WAS: variants seen among roughly 807,000 people sequenced by gnomAD.
WAS encodes the protein WASP actin nucleation promoting factor.
Under a neutral mutation model 38.9 loss-of-function variants are expected in WAS, and 1 was observed. The ratio of observed to expected loss-of-function variants is 0.03; its 90% CI spans 0.01 to 0.12. The LOEUF (loss-of-function observed/expected upper bound fraction) is 0.12, where lower values mean the gene tolerates loss of function less well. Among genes scored for constraint, WAS ranks in the 10% least tolerant of loss-of-function variants. The probability of loss-of-function intolerance (pLI) is 1.00; values close to 1 mark genes in which losing one functional copy is unlikely to be tolerated. For synonymous variants in WAS, 182 were observed against 173.6 expected, an observed-to-expected ratio of 1.05 and a Z score of -0.38; for missense variants, 311 against 431.2, an observed-to-expected ratio of 0.72 and a Z score of 2.47.
upstream of WAS, among the ~76,000 whole-genome samples, chrX:48,680,000 C>A (rs1225292557): frequency 1.8e-5 from 2 of 111,749 alleles, no homozygotes; most frequent in Admixed American, 1.9e-4. Context: ...AGGGATGATA[C>A]TGAGGAGACC....
At position 48,685,745 on chromosome X, in the gene WAS, G is replaced by A. The variant is rs1557006531; in HGVS notation, c.372G>A (p.Ala124=). The change falls in exon 4 of 12, where the codon GCG becomes GCA. Residue 124 remains alanine (A), a synonymous_variant. Transcript: ENST00000376701. ...FHTFAGDDCQ[A]GLNFADEDEA... ...CAAGGTATGTGCAGGACTGCCAAGCGGGGCTGAACTTTGCAGACGAGGACG... is the reference window on the plus strand; with the variant it reads ...CAAGGTATGTGCAGGACTGCCAAGCAGGGCTGAACTTTGCAGACGAGGACG... 5.1e-6 allele frequency: 6 copies of A among 1,179,084 alleles called. No homozygotes were observed. The highest frequency in any genetic ancestry group is 2.5e-5 in the Admixed American group (1 of 40,772).
intron 11 of WAS, among the ~76,000 whole-genome samples, chrX:48,690,396 G>A (rs1557007602): frequency 9.0e-6 from 1 of 111,620 alleles, no homozygotes; most frequent in African/African-American, 3.3e-5. Context: ...GATCTGCCCC[G>A]CCTCAGCCTC....
chrX:48,683,055 A>T (rs1459100133), upstream of WAS, among the ~76,000 whole-genome samples: 3 of 110,733 alleles, frequency 2.7e-5, no homozygotes, highest in Non-Finnish European at 5.7e-5. Context: ...CTCTGTAATT[A>T]AAAGGAAAAG....
At position 48,688,050 on chromosome X, in the gene WAS, C is replaced by T; in HGVS notation, c.735-4C>T. On this transcript the variant is annotated splice_region_variant and splice_polypyrimidine_tract_variant and intron_variant, in intron 7 of 11. Transcript: ENST00000376701. ...ATTCACTGGAGTCTCTTCACCTCTC[C>T]CAGGCATGTCAGCCACGTGGGGTGG... The T allele has an allele frequency of 8.3e-7, 1 of 1,206,486 alleles. No individual in the cohort carries two copies. Among genetic ancestry groups the T allele is most frequent in the Non-Finnish European group, 1.1e-6 (1 of 892,777 alleles).
At chrX:48,687,353 G>A (rs1420005711) in intron 7 of WAS, among the ~76,000 whole-genome samples, 2 of 111,604 alleles carry the variant, frequency 1.8e-5, no homozygotes, top group Non-Finnish European at 3.8e-5. Context: ...GGGCTGGTGG[G>A]TAGGTGGGTG....
upstream of WAS, among the ~76,000 whole-genome samples, chrX:48,682,714 G>A (rs2062404874): frequency 9.1e-6 from 1 of 110,165 alleles, no homozygotes; most frequent in East Asian, 2.9e-4. Context: ...CCAACATGGT[G>A]AAACCCTGTC....
In WAS at chrX:48,685,554, G is replaced by A. The variant is rs782656368; in HGVS notation, c.281G>A (p.Arg94Gln). Residue 94 changes from arginine (R) to glutamine (Q), a missense_variant, in exon 3 of 12, where the codon CGG becomes CAG. Around this residue, in one of 4 missense-constraint regions of WAS, gnomAD observed 64 missense variants for 122.5 expected, o/e 0.52. Transcript: ENST00000376701. Reference sequence around the variant, plus strand: ...CACCCTACACCTCTCCAGGCTGGTCGGCTGCTCTGGGAACAGGAGCTGTAC... The same window carrying A: ...CACCCTACACCTCTCCAGGCTGGTCAGCTGCTCTGGGAACAGGAGCTGTAC... Reference protein sequence around the residue: ...FIRLYGLQAGRLLWEQELYSQ... With the variant: ...FIRLYGLQAGQLLWEQELYSQ... 10 of 1,194,851 alleles carry A rather than the reference G, an allele frequency of 8.4e-6. No individual in the cohort carries two copies. The highest frequency in any genetic ancestry group is 1.8e-5 in the African/African-American group (1 of 56,411).
chrX:48,688,248 C>A, intron 8 of WAS, 52 bp from the exon 9 acceptor site: 8 of 1,173,300 alleles, frequency 6.8e-6, no homozygotes, highest in Non-Finnish European at 9.1e-6. Flanking sequence ...TGTCGCTTGT[C>A]TCCTCGCCTT....
chrX:48,687,541 C>T (rs1051875460), intron 7 of WAS, among the ~76,000 whole-genome samples: 8 of 110,455 alleles, frequency 7.2e-5, no homozygotes, highest in Non-Finnish European at 1.1e-4. Context: ...GATTGGCTCA[C>T]AGACAAGGTG....
At chrX:48,683,677 A>G (rs150252581), upstream of WAS, 979 of 637,986 alleles carry the variant, frequency 1.5e-3, 5 homozygotes, top group African/African-American at 0.02. Context: ...CTGATGGCGG[A>G]GGGCCCAAGC....
chrX:48,686,360 A>G (rs1353563675), intron 6 of WAS, among the ~76,000 whole-genome samples: 1 of 111,777 alleles, frequency 8.9e-6, no homozygotes, highest in African/African-American at 3.3e-5. Flanking sequence ...CTAAGTAGAT[A>G]GATGCATAGG....
rs910584584 is a variant in WAS, at chrX:48,685,479, G to A, written c.274-68G>A. ...ATCCAGACACCCTGCTCCCTGCCCAGCTAACAAAAGCCTGCCACCCCCGGC... is the reference window on the plus strand; with the variant it reads ...ATCCAGACACCCTGCTCCCTGCCCAACTAACAAAAGCCTGCCACCCCCGGC... On this transcript the variant is annotated intron_variant, in intron 2 of 11. Coordinates refer to ENST00000376701, the MANE Select transcript of WAS (RefSeq NM_000377.3). 7.0e-6 allele frequency: 6 copies of A among 852,985 alleles called. No homozygotes were observed. In the African/African-American group the frequency reaches 1.2e-4, roughly 17 times the overall value. 70.3% of individuals were successfully genotyped at this position (852,985 alleles called of 1,213,427 possible).
At chrX:48,684,011 C>T (rs1239667157) in intron 1 of WAS, 26 bp downstream of exon 1, 2 of 1,206,607 alleles carry the variant, frequency 1.7e-6, no homozygotes, top group Non-Finnish European at 2.2e-6. Context: ...CCTGCCCCCG[C>T]CCCGTCCCCA....
rs1557007014 is a variant in WAS at position 48,688,305 on chromosome X, C to A, written c.783C>A (p.Asn261Lys). The A allele has an allele frequency of 8.3e-7, 1 of 1,204,700 alleles. No individual in the cohort carries two copies. The highest frequency in any genetic ancestry group is 3.0e-5 in the East Asian group (1 of 33,618). ...GCCTTTTTCCTCCTGGGCAGGTGAA[C>A]AACCTCGACCCAGATCTGCGGAGTC... ...GWDPQNGFDV[N>K]NLDPDLRSLF... Residue 261 changes from asparagine (N) to lysine (K), a missense_variant, in exon 9 of 12, where the codon AAC becomes AAA. Coordinates refer to ENST00000376701, the MANE Select transcript of WAS (RefSeq NM_000377.3).
chrX:48,689,287 TA>T, intron 10 of WAS, 32 bp from the exon 11 acceptor site: 1 of 1,141,990 alleles, frequency 8.8e-7, no homozygotes, highest in Non-Finnish European at 1.2e-6. Flanking sequence ...TCCCAGGCCC[TA>T]AGCCCTCTGT....
At chrX:48,679,331 G>GT (rs782762566), upstream of WAS, among the ~76,000 whole-genome samples, 5 of 111,574 alleles carry the variant, frequency 4.5e-5, no homozygotes, top group African/African-American at 6.5e-5. Context: ...CCTGCTTCAG[G>GT]TTTTTTTGTT....
chrX:48,677,531 T>C (rs1245066789), intron 1 of WAS, among the ~76,000 whole-genome samples: 1 of 112,103 alleles, frequency 8.9e-6, no homozygotes, highest in East Asian at 2.8e-4. Flanking sequence ...GCGTTCTGGA[T>C]GAGAGACCTG....
chrX:48,688,457 A>G lies in WAS; in HGVS notation c.931+4A>G. The G allele has an allele frequency of 8.3e-7, 1 of 1,210,968 alleles. No homozygotes were observed. The highest frequency in any genetic ancestry group is 1.1e-6 in the Non-Finnish European group (1 of 895,187). ...CGGCAGGAGATGAGGCGCCAGGGTG[A>G]GACCCTGCTTCCATACGCTCCCTTC... On this transcript the variant is annotated splice_donor_region_variant and intron_variant, in intron 9 of 11. Transcript: ENST00000376701.
chrX:48,686,146 TTCTTCCCTGTGTCTCTGGA>T lies in WAS; in HGVS notation c.559+14_559+32del, dbSNP rs782477646. 10 of 1,209,965 alleles carry T rather than the reference TTCTTCCCTGTGTCTCTGGA, an allele frequency of 8.3e-6. No homozygotes were observed. The highest frequency in any genetic ancestry group is 8.9e-6 in the Non-Finnish European group (8 of 894,696). On this transcript the variant is annotated intron_variant, in intron 6 of 11. Coordinates refer to ENST00000376701, the MANE Select transcript of WAS (RefSeq NM_000377.3). The stretch of plus-strand genomic sequence containing the variant: ...TGGAGACCAAGGAGGTGCGTGCTGA[TTCTTCCCTGTGTCTCTGGA>T]TGGATGGGTAAGAGTGGATGGAGGA...
Sources: allele counts gnomAD v4.1 joint callset (sites outside exome capture counted in the v4.1 genomes callset), GRCh38; gene constraint gnomAD v4.1.1; regional missense constraint gnomAD v4.1.1; transcripts MANE v1.5; gene names NCBI Gene and HGNC (gene_info 2026-07-23, HGNC 2026-07-21).